Variants in ROBO2 observed in about 807,000 individuals in gnomAD.
ROBO2 encodes roundabout homolog 2.
Under a neutral mutation model 160.8 loss-of-function variants are expected in ROBO2, and 53 were observed. That is an observed-to-expected ratio of 0.33 (90% CI 0.26 to 0.41). The LOEUF (loss-of-function observed/expected upper bound fraction) is 0.41, where lower values mean the gene tolerates loss of function less well. Ranked by LOEUF, ROBO2 falls within the 10% of genes least tolerant of loss-of-function variation. The probability of loss-of-function intolerance (pLI) is 1.00; values close to 1 mark genes in which losing one functional copy is unlikely to be tolerated. For synonymous variants in ROBO2, 664 were observed against 611.7 expected (o/e 1.09, Z -1.26); for missense variants, 1,577 against 1,722.4 (o/e 0.92, Z 1.49).
At chr3:76,585,210 A>C (rs1336338929) in intron 2 of ROBO2, among the ~76,000 whole-genome samples, 1 of 152,192 alleles carries the variant, frequency 6.6e-6, no homozygotes, top group East Asian at 1.9e-4. Flanking sequence ...AAATCATAAA[A>C]CTGGAAATTA....
intron 2 of ROBO2, among the ~76,000 whole-genome samples, chr3:76,393,428 A>C (rs776734255): frequency 1.2e-4 from 18 of 152,176 alleles, no homozygotes; most frequent in Non-Finnish European, 2.5e-4. Flanking sequence ...TATGATACTA[A>C]ATTATTAGAA....
intron 2 of ROBO2, among the ~76,000 whole-genome samples, chr3:76,909,752 G>A (rs1287546493): frequency 6.6e-6 from 1 of 152,094 alleles, no homozygotes; most frequent in African/African-American, 2.4e-5. Flanking sequence ...AAAATCAAAA[G>A]TTAAGACAAA....
At chr3:77,232,360 G>A (rs2087327348) in intron 2 of ROBO2, among the ~76,000 whole-genome samples, 1 of 152,060 alleles carries the variant, frequency 6.6e-6, no homozygotes, top group Non-Finnish European at 1.5e-5. Context: ...GCCTCTCTTA[G>A]AGGCTGTTCT....
At chr3:76,443,395 A>G (rs1288252702) in intron 2 of ROBO2, among the ~76,000 whole-genome samples, 2 of 152,100 alleles carry the variant, frequency 1.3e-5, no homozygotes, top group Non-Finnish European at 2.9e-5. Flanking sequence ...GGTCTCCCGC[A>G]TCCACTGAGA....
intron 2 of ROBO2, among the ~76,000 whole-genome samples, chr3:77,120,222 A>G (rs1036839599): frequency 2.6e-5 from 4 of 152,202 alleles, no homozygotes; most frequent in African/African-American, 9.6e-5. Context: ...TCCGGCATGA[A>G]CATTTGTCCT....
chr3:77,542,701 T>C (rs543705491), intron 6 of ROBO2, among the ~76,000 whole-genome samples: 22 of 152,278 alleles, frequency 1.4e-4, no homozygotes, highest in African/African-American at 5.3e-4. Context: ...TCTTTGTCCT[T>C]TAAAAGCCCT....
chr3:77,360,727 C>T (rs898922179), intron 2 of ROBO2, among the ~76,000 whole-genome samples: 12 of 151,666 alleles, frequency 7.9e-5, no homozygotes, highest in African/African-American at 2.4e-4. Flanking sequence ...TACAAAGTTT[C>T]AGGATTCCTC....
intron 2 of ROBO2, among the ~76,000 whole-genome samples, chr3:76,412,077 T>C (rs2075516357): frequency 6.6e-6 from 1 of 152,026 alleles, no homozygotes; most frequent in Non-Finnish European, 1.5e-5. Flanking sequence ...TGGCAGGAAG[T>C]GAAAGGCACT....
At chr3:77,598,512 C>CATATATATATGTGTATATATAT (rs1335073382) in intron 19 of ROBO2, among the ~76,000 whole-genome samples, 1 of 113,052 alleles carries the variant, frequency 8.8e-6, no homozygotes, top group African/African-American at 3.3e-5. Context: ...TACGCACACA[C>CATATATATATGTGTATATATAT]ATATATATAT....
At chr3:76,199,579 G>A (rs1702422433) in intron 2 of ROBO2, among the ~76,000 whole-genome samples, 1 of 152,080 alleles carries the variant, frequency 6.6e-6, no homozygotes, top group Admixed American at 6.6e-5. Flanking sequence ...TGTACAAATG[G>A]ATAATGGCCA....
At chr3:77,223,986 A>G (rs980069936) in intron 2 of ROBO2, among the ~76,000 whole-genome samples, 26 of 152,112 alleles carry the variant, frequency 1.7e-4, no homozygotes, top group African/African-American at 6.0e-4. Flanking sequence ...AGACAAATGG[A>G]TACTTTTGCT....
chr3:77,313,637 G>A (rs2063727666), intron 2 of ROBO2, among the ~76,000 whole-genome samples: 1 of 152,126 alleles, frequency 6.6e-6, no homozygotes, highest in Non-Finnish European at 1.5e-5. Flanking sequence ...CCAGGCTGGA[G>A]TGCATGGCGT....
intron 2 of ROBO2, among the ~76,000 whole-genome samples, chr3:75,994,001 C>T (rs1039890251): frequency 6.6e-6 from 1 of 152,074 alleles, no homozygotes; most frequent in Non-Finnish European, 1.5e-5. Flanking sequence ...AAGCACAGGG[C>T]CAGCTGTGGG....
At chr3:77,106,152 C>A (rs950635765) in intron 2 of ROBO2, among the ~76,000 whole-genome samples, 7 of 152,206 alleles carry the variant, frequency 4.6e-5, no homozygotes, top group African/African-American at 9.6e-5. Flanking sequence ...AAGCGATTCT[C>A]CCACCACAGC....
intron 14 of ROBO2, among the ~76,000 whole-genome samples, chr3:77,575,373 G>C (rs796330084): frequency 5.3e-5 from 8 of 152,110 alleles, no homozygotes; most frequent in African/African-American, 1.4e-4. Flanking sequence ...AAAAAAAGGA[G>C]ATGCGAAATG....
intron 2 of ROBO2, among the ~76,000 whole-genome samples, chr3:76,773,081 T>A (rs1403976302): frequency 6.6e-6 from 1 of 151,250 alleles, no homozygotes; most frequent in South Asian, 2.1e-4. Context: ...GTCACACATG[T>A]ACTTGAGACG....
At chr3:76,188,648 C>T (rs147262172) in intron 2 of ROBO2, among the ~76,000 whole-genome samples, 215 of 152,142 alleles carry the variant, frequency 1.4e-3, no homozygotes, top group African/African-American at 4.0e-3. Context: ...GGCCTCAAAC[C>T]CCCATGCTAT....
chr3:77,208,344 G>A (rs890697676), intron 2 of ROBO2, among the ~76,000 whole-genome samples: 1 of 152,006 alleles, frequency 6.6e-6, no homozygotes, highest in African/African-American at 2.4e-5. Context: ...AATTGATTAG[G>A]CTCTATGTTA....
chr3:76,255,514 A>G (rs571951502), intron 2 of ROBO2, among the ~76,000 whole-genome samples: 1 of 152,164 alleles, frequency 6.6e-6, no homozygotes, highest in Non-Finnish European at 1.5e-5. Context: ...TCCAAAATTG[A>G]GGGCTGAAAA....
Sources: allele counts gnomAD v4.1 joint callset (sites outside exome capture counted in the v4.1 genomes callset), GRCh38; gene constraint gnomAD v4.1.1; transcripts MANE v1.5; gene names NCBI Gene and HGNC (gene_info 2026-07-23, HGNC 2026-07-21).